ACTR3C: variants seen among roughly 807,000 people sequenced by gnomAD.
ACTR3C encodes actin related protein 3C.
In ACTR3C, 18 loss-of-function variants were observed where a neutral mutation model predicts 26.3. That is an observed-to-expected ratio of 0.68 (90% CI 0.47 to 1.01). ACTR3C has a LOEUF of 1.01. ACTR3C is among the 50% of genes least tolerant of loss of function. The pLI is 0.00. For synonymous variants in ACTR3C, 55 were observed against 94.5 expected, an observed-to-expected ratio of 0.58 and a Z score of 2.42; for missense variants, 184 against 250.7, an observed-to-expected ratio of 0.73 and a Z score of 1.80.
chr7:150,242,987 T>C (rs1257793031), downstream of ACTR3C, among the ~76,000 whole-genome samples: 1 of 152,248 alleles, frequency 6.6e-6, no homozygotes, highest in Non-Finnish European at 1.5e-5. Flanking sequence ...AACTTGACAG[T>C]GACACTTGCA....
At chr7:150,151,282 A>T in the ACTR3C span, among the ~76,000 whole-genome samples, 2 of 137,774 alleles carry the variant, frequency 1.5e-5, no homozygotes, top group African/African-American at 5.0e-5. Flanking sequence ...TGAGAATATT[A>T]ATTTATATAA....
chr7:150,261,165 A>C (rs112771856), intron 6 of ACTR3C, among the ~76,000 whole-genome samples: 20,042 of 152,178 alleles, frequency 0.13, 2,550 homozygotes, highest in African/African-American at 0.32. Context: ...GCCACTGTGA[A>C]TGTGATATTA....
At chr7:149,926,154 A>G in the ACTR3C span, among the ~76,000 whole-genome samples, 1 of 152,154 alleles carries the variant, frequency 6.6e-6, no homozygotes, top group African/African-American at 2.4e-5. Context: ...TAGAAACAAT[A>G]AAGAAAAGAT....
At chr7:149,898,498 G>A in the ACTR3C span, among the ~76,000 whole-genome samples, 1 of 152,148 alleles carries the variant, frequency 6.6e-6, no homozygotes, top group Non-Finnish European at 1.5e-5. Context: ...AAGGTCAAGA[G>A]ATCGAGACCA....
chr7:149,972,429 C>CAG, the ACTR3C span, among the ~76,000 whole-genome samples: 1 of 152,362 alleles, frequency 6.6e-6, no homozygotes, highest in Middle Eastern at 3.4e-3. Flanking sequence ...ACGTTCCCAT[C>CAG]TGCCTGCTCC....
chr7:150,253,861 T>G (rs1298245273), intron 6 of ACTR3C, among the ~76,000 whole-genome samples: 1 of 151,908 alleles, frequency 6.6e-6, no homozygotes, highest in African/African-American at 2.4e-5. Context: ...TACAGTATAA[T>G]GTACCCTGAC....
the ACTR3C span, among the ~76,000 whole-genome samples, chr7:150,149,101 A>G: frequency 2.9e-4 from 38 of 129,682 alleles, no homozygotes; most frequent in African/African-American, 9.6e-4. Flanking sequence ...ATATATATAT[A>G]TATATATATA....
chr7:150,096,718 G>A, the ACTR3C span, among the ~76,000 whole-genome samples: 6 of 151,882 alleles, frequency 4.0e-5, no homozygotes, highest in African/African-American at 1.5e-4. Context: ...TACAGTCTGT[G>A]TACACTGCAG....
At chr7:150,193,272 A>C in the ACTR3C span, among the ~76,000 whole-genome samples, 1 of 151,696 alleles carries the variant, frequency 6.6e-6, no homozygotes, top group South Asian at 2.1e-4. Context: ...TTGTTCATTT[A>C]ATTTCTCTTT....
intron 1 of ACTR3C, among the ~76,000 whole-genome samples, chr7:150,319,498 C>T (rs774225232): frequency 3.9e-5 from 6 of 152,162 alleles, no homozygotes; most frequent in African/African-American, 4.8e-5. Flanking sequence ...TGAGCCACCT[C>T]GCCTGGCCCA....
At chr7:150,012,317 C>CTT in the ACTR3C span, among the ~76,000 whole-genome samples, 51,074 of 131,100 alleles carry the variant, frequency 0.39, 13,247 homozygotes, top group East Asian at 0.49. Context: ...ATAAATGCAT[C>CTT]TTTTTTTTTT....
chr7:150,066,433 A>G, the ACTR3C span, among the ~76,000 whole-genome samples: 1 of 152,252 alleles, frequency 6.6e-6, no homozygotes, highest in Non-Finnish European at 1.5e-5. Context: ...CTTCTAAGTC[A>G]AGATTCATAC....
At chr7:150,303,466 A>G (rs1301777022) in intron 1 of ACTR3C, among the ~76,000 whole-genome samples, 1 of 152,252 alleles carries the variant, frequency 6.6e-6, no homozygotes, top group Non-Finnish European at 1.5e-5. Flanking sequence ...TACTGCTTTT[A>G]TACTTCTATT....
the ACTR3C span, among the ~76,000 whole-genome samples, chr7:150,003,440 G>A: frequency 6.6e-6 from 1 of 152,232 alleles, no homozygotes; most frequent in African/African-American, 2.4e-5. Context: ...TGGTGTATGT[G>A]GTACTGTGGG....
At chr7:150,105,368 C>A in the ACTR3C span, among the ~76,000 whole-genome samples, 2,086 of 152,080 alleles carry the variant, frequency 0.014, 55 homozygotes, top group Admixed American at 0.016. Flanking sequence ...AGGCATAAGC[C>A]ACCGCCCCCG....
chr7:149,988,738 A>T, the ACTR3C span, among the ~76,000 whole-genome samples: 9 of 152,230 alleles, frequency 5.9e-5, no homozygotes, highest in Non-Finnish European at 1.2e-4. Context: ...CTTTGGCCCC[A>T]TGAATCTGCC....
chr7:150,223,058 A>T, the ACTR3C span, among the ~76,000 whole-genome samples: 1 of 152,238 alleles, frequency 6.6e-6, no homozygotes, highest in Non-Finnish European at 1.5e-5. Flanking sequence ...AAGACAGGTT[A>T]CATTGCCATC....
the ACTR3C span, among the ~76,000 whole-genome samples, chr7:150,071,123 T>C: frequency 4.1e-5 from 6 of 146,798 alleles, no homozygotes; most frequent in Admixed American, 4.1e-4. Flanking sequence ...CATAAGGCAA[T>C]TTCTTTCTTT....
the ACTR3C span, among the ~76,000 whole-genome samples, chr7:150,144,923 T>G: frequency 0.023 from 3,424 of 151,120 alleles, 120 homozygotes; most frequent in African/African-American, 0.076. The surrounding 1 kb of genome is among the most constrained non-coding windows in gnomAD (Gnocchi z 4.6). Context: ...GGTGGCGTGC[T>G]CCTGTAGTCC....
Sources: allele counts gnomAD v4.1 joint callset (sites outside exome capture counted in the v4.1 genomes callset), GRCh38; gene constraint gnomAD v4.1.1; non-coding constraint Gnocchi (gnomAD v3.1); transcripts MANE v1.5; gene names NCBI Gene and HGNC (gene_info 2026-07-23, HGNC 2026-07-21).